VPS13B: variants seen among roughly 807,000 people sequenced by gnomAD.
The protein encoded by VPS13B is intermembrane lipid transfer protein VPS13B.
In VPS13B, 285 loss-of-function variants were observed where a neutral mutation model predicts 426.4. The observed-to-expected ratio is 0.67, with a 90% CI of 0.61 to 0.74. The LOEUF is 0.74. Among genes scored for constraint, VPS13B ranks in the 30% least tolerant of loss-of-function variants. The pLI, the probability that VPS13B is intolerant of heterozygous loss-of-function variation, is 0.00. For synonymous variants in VPS13B, 1,676 were observed against 1,676.4 expected (o/e 1.00, Z 0.01); for missense variants, 4,537 against 4,782.6 (o/e 0.95, Z 1.51).
At chr8:99,064,634 AGT>A (rs1844374899) in intron 3 of VPS13B, among the ~76,000 whole-genome samples, 1 of 152,226 alleles carries the variant, frequency 6.6e-6, no homozygotes, top group Non-Finnish European at 1.5e-5. Context: ...GCTTTTGATT[AGT>A]GTACCTGAAA....
intron 21 of VPS13B, among the ~76,000 whole-genome samples, chr8:99,416,475 C>A (rs1022758291): frequency 6.6e-6 from 1 of 152,082 alleles, no homozygotes; most frequent in African/African-American, 2.4e-5. Context: ...GAAAAAAAAA[C>A]TCCTGCAGCT....
intron 19 of VPS13B, among the ~76,000 whole-genome samples, chr8:99,371,899 C>CA (rs1055136806): frequency 2.6e-5 from 4 of 151,928 alleles, no homozygotes; most frequent in African/African-American, 7.3e-5. Context: ...ATGTAAAACC[C>CA]AAAATCATAA....
intron 2 of VPS13B, among the ~76,000 whole-genome samples, chr8:99,033,402 T>G (rs1842608344): frequency 6.6e-6 from 1 of 152,252 alleles, no homozygotes. Context: ...CCTGGCTTTC[T>G]GCAGTTTGAC....
At chr8:99,786,775 G>A (rs574652614) in intron 43 of VPS13B, among the ~76,000 whole-genome samples, 86 of 152,176 alleles carry the variant, frequency 5.7e-4, no homozygotes, top group African/African-American at 1.5e-3. Context: ...AAAAAACGAC[G>A]TCTTCTTACT....
chr8:99,874,915 G>GT (rs1485767373), intron 61 of VPS13B: 2 of 156,838 alleles, frequency 1.3e-5, no homozygotes, highest in South Asian at 1.9e-4. Context: ...AGTTCAAAAG[G>GT]TTTTTTAATG....
At chr8:99,754,907 A>G (rs1810564376) in intron 39 of VPS13B, among the ~76,000 whole-genome samples, 1 of 152,144 alleles carries the variant, frequency 6.6e-6, no homozygotes, top group African/African-American at 2.4e-5. Context: ...ACTCCCTGCC[A>G]CAACACCTAG....
intron 21 of VPS13B, among the ~76,000 whole-genome samples, chr8:99,421,637 T>A (rs1816383133): frequency 6.6e-6 from 1 of 151,960 alleles, no homozygotes; most frequent in South Asian, 2.1e-4. Flanking sequence ...ATAATAAGAG[T>A]CTGAAAATAG....
At chr8:99,084,852 C>T (rs955197769) in intron 3 of VPS13B, among the ~76,000 whole-genome samples, 2 of 152,158 alleles carry the variant, frequency 1.3e-5, no homozygotes, top group African/African-American at 2.4e-5. Context: ...TTTACATTTG[C>T]TGAGGAGTGC....
intron 34 of VPS13B, among the ~76,000 whole-genome samples, chr8:99,653,662 A>G (rs925025037): frequency 6.6e-6 from 1 of 152,214 alleles, no homozygotes; most frequent in African/African-American, 2.4e-5. Flanking sequence ...TCTGCTGGTT[A>G]TACTTAATAT....
chr8:99,875,627 CA>C lies in VPS13B; in HGVS notation c.11956del (p.Met3986TrpfsTer2), dbSNP rs1817664776. The C allele has an allele frequency of 6.2e-7, 1 of 1,613,998 alleles. No individual in the cohort carries two copies. Among genetic ancestry groups the C allele is most frequent in the Non-Finnish European group, 8.5e-7 (1 of 1,180,024 alleles). On this transcript the variant is annotated frameshift_variant, in exon 62 of 62. Coordinates refer to ENST00000357162, the MANE Select transcript of VPS13B (RefSeq NM_152564.5). LOFTEE classifies it high-confidence loss of function. ...FAQVFLSKFT[M>X]VKNKALRKGF... is the part of the protein sequence containing the mutation. ...CTCAGGTCTTCCTTAGTAAATTTAC[CA>C]TGGTGAAAAATAAAGCCCTGAGGAA...
chr8:99,072,874 T>C (rs993643027), intron 3 of VPS13B, among the ~76,000 whole-genome samples: 67 of 152,198 alleles, frequency 4.4e-4, no homozygotes, highest in African/African-American at 1.5e-3. Flanking sequence ...CAGTGTGTGT[T>C]CTTGGTTCCT....
chr8:99,350,511 G>A (rs1263590269), intron 19 of VPS13B, among the ~76,000 whole-genome samples: 1 of 152,106 alleles, frequency 6.6e-6, no homozygotes, highest in Non-Finnish European at 1.5e-5. Flanking sequence ...TTAGTAGGGA[G>A]GTTTGATGAT....
intron 33 of VPS13B, among the ~76,000 whole-genome samples, chr8:99,624,672 T>A (rs951719266): frequency 2.6e-5 from 4 of 152,188 alleles, no homozygotes; most frequent in African/African-American, 9.6e-5. Context: ...ACCCCCACTT[T>A]TAATGAACAT....
intron 19 of VPS13B, among the ~76,000 whole-genome samples, chr8:99,288,661 G>T (rs1199808664): frequency 6.6e-6 from 1 of 151,898 alleles, no homozygotes; most frequent in Non-Finnish European, 1.5e-5. Context: ...TTTTAGTCTA[G>T]TGACTAAAAT....
chr8:99,655,503 A>G (rs1326094781), intron 34 of VPS13B, among the ~76,000 whole-genome samples: 1 of 152,074 alleles, frequency 6.6e-6, no homozygotes, highest in East Asian at 1.9e-4. Flanking sequence ...TTCGCATTTC[A>G]CTGGTAGGAA....
chr8:99,249,379 G>A (rs1260171135), intron 17 of VPS13B, among the ~76,000 whole-genome samples: 1 of 151,084 alleles, frequency 6.6e-6, no homozygotes, highest in African/African-American at 2.4e-5. Context: ...CGTTTCTCTG[G>A]GACTAATGCC....
At position 99,581,256 on chromosome 8, in the gene VPS13B, A is replaced by G. The variant is rs60769076; in HGVS notation, c.5220+3623A>G. Among the ~76,000 whole-genome samples the G allele has an allele frequency of 3.9e-3, 601 of 152,230 alleles. 2 individuals carry two copies. Among genetic ancestry groups the G allele is most frequent in the African/African-American group, 0.014 (577 of 41,548 alleles). On this transcript the variant is annotated intron_variant, in intron 33 of 61. Coordinates refer to ENST00000357162, the MANE Select transcript of VPS13B (RefSeq NM_152564.5). ...AACATCTATTCAATAAACAAAGGGGAAAAATGCACATATCTTTGAAACTAG... is the reference window on the plus strand; with the variant it reads ...AACATCTATTCAATAAACAAAGGGGGAAAATGCACATATCTTTGAAACTAG...
intron 33 of VPS13B, among the ~76,000 whole-genome samples, chr8:99,603,369 C>T (rs1383792309): frequency 6.6e-6 from 1 of 152,114 alleles, no homozygotes; most frequent in Non-Finnish European, 1.5e-5. Flanking sequence ...ACATACATAT[C>T]TATGATAAAG....
At chr8:99,139,084 T>A (rs1810244072) in intron 12 of VPS13B, among the ~76,000 whole-genome samples, 2 of 152,228 alleles carry the variant, frequency 1.3e-5, no homozygotes, top group Non-Finnish European at 2.9e-5. Context: ...TCCTTAACTT[T>A]TAAAACAAAA....
Sources: allele counts gnomAD v4.1 joint callset (sites outside exome capture counted in the v4.1 genomes callset), GRCh38; gene constraint gnomAD v4.1.1; transcripts MANE v1.5; gene names NCBI Gene and HGNC (gene_info 2026-07-23, HGNC 2026-07-21).